OTUD7A: variants seen among roughly 807,000 people sequenced by gnomAD.
OTUD7A encodes OTU domain-containing protein 7A.
Under a neutral mutation model 65.7 loss-of-function variants are expected in OTUD7A, and 12 were observed. The ratio of observed to expected loss-of-function variants is 0.18; its 90% confidence interval spans 0.12 to 0.30. OTUD7A has a LOEUF of 0.30. OTUD7A is among the 10% of genes least tolerant of loss of function. OTUD7A has a pLI of 1.00. For missense variants in OTUD7A, 1,148 were observed against 1,304.8 expected (o/e 0.88, Z 1.85); for synonymous variants, 641 against 586.3 (o/e 1.09, Z -1.35).
At chr15:31,520,148 CA>C (rs1367517885) in intron 8 of OTUD7A, among the ~76,000 whole-genome samples, 1 of 152,068 alleles carries the variant, frequency 6.6e-6, no homozygotes, top group African/African-American at 2.4e-5. Flanking sequence ...CAATAAATTT[CA>C]TATGGAACTA....
intron 1 of OTUD7A, chr15:31,767,676 T>C: frequency 1.4e-6 from 1 of 740,438 alleles, no homozygotes; most frequent in South Asian, 1.4e-5. Flanking sequence ...CTTAGTTCTC[T>C]ATCATCAACT....
chr15:31,667,707 T>G (rs182374734), intron 1 of OTUD7A, among the ~76,000 whole-genome samples: 8 of 152,312 alleles, frequency 5.3e-5, no homozygotes, highest in Admixed American at 5.2e-4. Flanking sequence ...TTTCATTTTT[T>G]GTTTTTGCTT....
Position 31,483,098 on chromosome 15 carries a change from TTCCTATCCGTC to T in OTUD7A, c.*185_*195del. 1 of 368,952 alleles carries T rather than the reference TTCCTATCCGTC, an allele frequency of 2.7e-6. No homozygotes were observed. The highest frequency in any genetic ancestry group is 3.8e-6 in the Non-Finnish European group (1 of 260,874). The allele number at this position is 368,952 out of a possible 1,614,324, so 22.9% of individuals were successfully genotyped here. ...ACCCACTTCCAACAGTATGACTTGT[TTCCTATCCGTC>T]TACTACCTGAGTGGCGTCAGTGTAG... On this transcript the variant is annotated 3_prime_UTR_variant, in exon 13 of 13. Transcript: ENST00000307050.
Position 31,723,516 on chromosome 15 carries a change from C to G in OTUD7A, c.-99-66439G>C, listed in dbSNP as rs1893805351. ...TCTGGACTTTCCCTTGACACTCAAG[C>G]CCTCAACTTTTTCAATGATATAATT... On this transcript the variant is annotated intron_variant, in intron 1 of 12. Transcript: ENST00000307050. Among the ~76,000 whole-genome samples the G allele has an allele frequency of 3.4e-5, 5 of 147,428 alleles. No individual in the cohort carries two copies. In the South Asian group the frequency reaches 1.1e-3, roughly 34 times the overall value.
chr15:31,868,305 C>A (rs756290741), intron 1 of OTUD7A, among the ~76,000 whole-genome samples: 1 of 152,168 alleles, frequency 6.6e-6, no homozygotes, highest in Non-Finnish European at 1.5e-5. Flanking sequence ...GGAAACACTT[C>A]CGTTTGAAGT....
chr15:31,768,164 G>A lies in OTUD7A; in HGVS notation c.-100+102343C>T, dbSNP rs1011093692. On this transcript the variant is annotated intron_variant, in intron 1 of 12. Coordinates refer to ENST00000307050, the MANE Select transcript of OTUD7A (RefSeq NM_001382637.1). ...GGTAACTTCATTCCACAGCTTGGTGGCCCGATAAGGCCCGGGAGGCACAAC... is the reference window on the plus strand; with the variant it reads ...GGTAACTTCATTCCACAGCTTGGTGACCCGATAAGGCCCGGGAGGCACAAC... 2.7e-6 allele frequency: 4 copies of A among 1,481,658 alleles called. No individual in the cohort carries two copies. In the African/African-American group the frequency reaches 4.2e-5, roughly 15 times the overall value. The allele number at this position is 1,481,658 out of a possible 1,614,324, so 91.8% of individuals were successfully genotyped here.
At chr15:31,657,719 T>G (rs1892034862) in intron 1 of OTUD7A, among the ~76,000 whole-genome samples, 3 of 152,104 alleles carry the variant, frequency 2.0e-5, no homozygotes, top group Non-Finnish European at 4.4e-5. Context: ...CACATTCATG[T>G]CCCATGATGA....
chr15:31,815,899 GT>G (rs1444067329), intron 1 of OTUD7A, among the ~76,000 whole-genome samples: 2 of 152,242 alleles, frequency 1.3e-5, no homozygotes, highest in Non-Finnish European at 2.9e-5. Flanking sequence ...TAGGACAGAT[GT>G]TCTGGGAGAA....
intron 3 of OTUD7A, among the ~76,000 whole-genome samples, chr15:31,602,721 A>T (rs1298597063): frequency 6.6e-6 from 1 of 152,224 alleles, no homozygotes; most frequent in Non-Finnish European, 1.5e-5. Flanking sequence ...TTTCAGCCCT[A>T]AATCTCCTTA....
At chr15:31,747,804 A>C (rs1894519562) in intron 1 of OTUD7A, among the ~76,000 whole-genome samples, 1 of 152,196 alleles carries the variant, frequency 6.6e-6, no homozygotes, top group Non-Finnish European at 1.5e-5. Flanking sequence ...AAGTGACCAA[A>C]ATTAACATAA....
At position 31,673,056 on chromosome 15, in the gene OTUD7A, T is replaced by C. The variant is rs577364560; in HGVS notation, c.-99-15979A>G. ...ATAAAAACTACAGATGCTCAATTTA[T>C]GATGGGGTTATACACCAATAAACTT... is the stretch of plus-strand genomic sequence containing the variant. On this transcript the variant is annotated intron_variant, in intron 1 of 12. Coordinates refer to ENST00000307050, the MANE Select transcript of OTUD7A (RefSeq NM_001382637.1). Among the ~76,000 whole-genome samples the C allele has an allele frequency of 2.0e-5, 3 of 152,350 alleles. No homozygotes were observed. In the South Asian group the frequency reaches 6.2e-4, roughly 32 times the overall value.
chr15:31,820,431 A>C (rs1338755641), intron 1 of OTUD7A, among the ~76,000 whole-genome samples: 2 of 152,198 alleles, frequency 1.3e-5, no homozygotes, highest in Non-Finnish European at 2.9e-5. Flanking sequence ...ATTTTCTACG[A>C]GATATCGCAC....
chr15:31,628,242 T>A (rs75834668), intron 3 of OTUD7A, among the ~76,000 whole-genome samples: 43,639 of 152,126 alleles, frequency 0.29, 7,393 homozygotes, highest in African/African-American at 0.47. Flanking sequence ...TGTTTAAGTC[T>A]TTAGTCTATC....
chr15:31,672,431 A>C (rs552800569), intron 1 of OTUD7A, among the ~76,000 whole-genome samples: 1 of 152,322 alleles, frequency 6.6e-6, no homozygotes, highest in East Asian at 1.9e-4. Flanking sequence ...CATGGGCCTA[A>C]ATCCCCTATC....
At chr15:31,534,506 CCCTCTCT>C (rs758744041) in intron 5 of OTUD7A, among the ~76,000 whole-genome samples, 38 of 152,168 alleles carry the variant, frequency 2.5e-4, no homozygotes, top group Non-Finnish European at 5.6e-4. Context: ...CAAAGATGCG[CCCTCTCT>C]CCACTGCTAT....
At chr15:31,686,896 C>T (rs1446007187) in intron 1 of OTUD7A, among the ~76,000 whole-genome samples, 1 of 152,158 alleles carries the variant, frequency 6.6e-6, no homozygotes, top group Non-Finnish European at 1.5e-5. Flanking sequence ...AGGCAAGTAA[C>T]CTTTTCAGAG....
At chr15:31,631,586 GGAGTATCTTT>G (rs1253381562) in intron 3 of OTUD7A, among the ~76,000 whole-genome samples, 2 of 152,150 alleles carry the variant, frequency 1.3e-5, no homozygotes, top group African/African-American at 4.8e-5. Flanking sequence ...CTCTTCTCGA[GGAGTATCTTT>G]GTGGCGTTCT....
intron 1 of OTUD7A, among the ~76,000 whole-genome samples, chr15:31,824,610 T>C (rs1005299617): frequency 6.6e-6 from 1 of 152,236 alleles, no homozygotes; most frequent in Non-Finnish European, 1.5e-5. Context: ...TTCGACATAG[T>C]GATCGTCAAC....
chr15:31,526,271 C>T (rs1425780847), intron 8 of OTUD7A, 78 bp downstream of exon 8: 11 of 1,330,164 alleles, frequency 8.3e-6, no homozygotes, highest in Non-Finnish European at 1.1e-5. Context: ...CCCCCCGTGC[C>T]ATCCCCCCAT....
Sources: allele counts gnomAD v4.1 joint callset (sites outside exome capture counted in the v4.1 genomes callset), GRCh38; gene constraint gnomAD v4.1.1; transcripts MANE v1.5; gene names NCBI Gene and HGNC (gene_info 2026-07-23, HGNC 2026-07-21).